CSMD3: variants seen among roughly 807,000 people sequenced by gnomAD.
CSMD3 encodes CUB and sushi domain-containing protein 3.
CSMD3 carries 177 observed loss-of-function variants against 435.2 expected under a neutral mutation model. That is an observed-to-expected ratio of 0.41 (90% CI 0.36 to 0.46). The LOEUF (loss-of-function observed/expected upper bound fraction) is 0.46. Ranked by LOEUF, CSMD3 falls within the 20% of genes least tolerant of loss-of-function variation. The pLI is 0.34. For synonymous variants in CSMD3, 1,656 were observed against 1,520.5 expected, an observed-to-expected ratio of 1.09 and a Z score of -2.07; for missense variants, 4,265 against 4,504.6, an observed-to-expected ratio of 0.95 and a Z score of 1.52.
At chr8:112,740,279 C>T (rs1028489502) in intron 13 of CSMD3, among the ~76,000 whole-genome samples, 2 of 151,590 alleles carry the variant, frequency 1.3e-5, no homozygotes, top group Non-Finnish European at 2.9e-5. Context: ...AAGTAGTTTT[C>T]CTTACAACCT....
chr8:112,436,518 T>C lies in CSMD3; in HGVS notation c.5396-27486A>G, dbSNP rs537994924. 3.9e-5 allele frequency among the ~76,000 whole-genome samples: 6 copies of C among 151,992 alleles called. No individual in the cohort carries two copies. The East Asian group carries it at 1.2e-3, about 29-fold the overall frequency. ...TATACTGCTAAGTACAATAAATTTC[T>C]CCCAGCTATAGTAGTTTTTCTGCTT... On this transcript the variant is annotated intron_variant, in intron 32 of 70. Transcript: ENST00000297405.
chr8:112,620,147 C>G (rs1833957300), intron 22 of CSMD3, among the ~76,000 whole-genome samples: 1 of 152,006 alleles, frequency 6.6e-6, no homozygotes, highest in South Asian at 2.1e-4. Flanking sequence ...GCCCAATATC[C>G]TCAACATGTC....
chr8:112,265,699 G>A lies in CSMD3; in HGVS notation c.9509-109C>T, dbSNP rs77577735. 2.9e-4 allele frequency: 235 copies of A among 817,854 alleles called. No homozygotes were observed. In the African/African-American group the frequency reaches 3.0e-3, roughly 10 times the overall value. The allele number at this position is 817,854 out of a possible 1,614,324, so 50.7% of individuals were successfully genotyped here. A position where few individuals can be genotyped will look rare whatever the true frequency, so the allele number is the denominator to read the frequency against. On this transcript the variant is annotated intron_variant, in intron 59 of 70. Coordinates refer to ENST00000297405, the MANE Select transcript of CSMD3 (RefSeq NM_198123.2). ...TATATAAGCAGGAAAATTAGTTATCGTGTTCATTTTTAATCATAAAACATA... is the reference window on the plus strand; with the variant it reads ...TATATAAGCAGGAAAATTAGTTATCATGTTCATTTTTAATCATAAAACATA...
At chr8:112,301,271 ATACTC>A (rs1466777646) in intron 53 of CSMD3, among the ~76,000 whole-genome samples, 1 of 152,106 alleles carries the variant, frequency 6.6e-6, no homozygotes, top group African/African-American at 2.4e-5. Flanking sequence ...TTTATAATAA[ATACTC>A]TAAGGGGAAA....
At chr8:112,356,020 A>G (rs1381772542) in intron 38 of CSMD3, among the ~76,000 whole-genome samples, 1 of 152,110 alleles carries the variant, frequency 6.6e-6, no homozygotes, top group East Asian at 1.9e-4. Flanking sequence ...TATGATGTAA[A>G]AGTCAGAGAA....
chr8:112,950,390 T>G (rs893533361), intron 8 of CSMD3, among the ~76,000 whole-genome samples: 4 of 151,944 alleles, frequency 2.6e-5, no homozygotes, highest in Non-Finnish European at 5.9e-5. Context: ...CCTAACTACT[T>G]TTTTGTATTA....
At chr8:112,505,729 T>G (rs1822431811) in intron 29 of CSMD3, among the ~76,000 whole-genome samples, 1 of 152,246 alleles carries the variant, frequency 6.6e-6, no homozygotes, top group East Asian at 1.9e-4. Flanking sequence ...TATTACCTTA[T>G]GTTTTACAAG....
At chr8:113,170,591 T>C (rs1480617245) in intron 4 of CSMD3, among the ~76,000 whole-genome samples, 3 of 152,138 alleles carry the variant, frequency 2.0e-5, no homozygotes, top group African/African-American at 7.2e-5. Context: ...TTATCAAGAT[T>C]CCTAGCTTAC....
intron 58 of CSMD3, among the ~76,000 whole-genome samples, chr8:112,281,861 A>C (rs1476239734): frequency 6.6e-6 from 1 of 152,126 alleles, no homozygotes; most frequent in East Asian, 1.9e-4. Flanking sequence ...TATAAATTCT[A>C]TTTCTAGACC....
At chr8:113,135,143 T>A (rs556686808) in intron 4 of CSMD3, among the ~76,000 whole-genome samples, 1 of 152,100 alleles carries the variant, frequency 6.6e-6, no homozygotes, top group Admixed American at 6.6e-5. Flanking sequence ...AGCAGACTGT[T>A]TTGAAAAGCA....
At chr8:112,377,607 G>C (rs1462925570) in intron 38 of CSMD3, among the ~76,000 whole-genome samples, 3 of 152,060 alleles carry the variant, frequency 2.0e-5, no homozygotes, top group African/African-American at 7.2e-5. Flanking sequence ...CAACATGATA[G>C]TAAGCCAAAT....
At chr8:112,662,432 C>T (rs1360646340) in intron 17 of CSMD3, among the ~76,000 whole-genome samples, 1 of 151,974 alleles carries the variant, frequency 6.6e-6, no homozygotes, top group Non-Finnish European at 1.5e-5. Context: ...AAAGGATTCC[C>T]TATTTAATAA....
intron 22 of CSMD3, among the ~76,000 whole-genome samples, chr8:112,629,842 G>T (rs1489888487): frequency 6.6e-6 from 1 of 152,078 alleles, no homozygotes; most frequent in South Asian, 2.1e-4. Context: ...GTATAGGCAG[G>T]ATCTATGGCT....
intron 3 of CSMD3, among the ~76,000 whole-genome samples, chr8:113,245,941 C>A (rs1231270722): frequency 1.3e-5 from 2 of 151,920 alleles, no homozygotes; most frequent in Non-Finnish European, 2.9e-5. Context: ...AAATGGCATA[C>A]CACCACTTTT....
intron 1 of CSMD3, among the ~76,000 whole-genome samples, chr8:113,322,061 T>C (rs2132711965): frequency 6.6e-6 from 1 of 152,314 alleles, no homozygotes; most frequent in South Asian, 2.1e-4. Context: ...ATGAAAAATT[T>C]AATAATTACA....
chr8:112,513,635 G>GA (rs893089355), intron 28 of CSMD3, among the ~76,000 whole-genome samples: 2 of 152,014 alleles, frequency 1.3e-5, no homozygotes, highest in African/African-American at 2.4e-5. Context: ...GATGCCATTG[G>GA]AAAAAAAGTC....
In CSMD3 at chr8:112,957,060, A is replaced by C. The variant is rs184929438; in HGVS notation, c.1343-2299T>G. 1.9e-3 allele frequency among the ~76,000 whole-genome samples: 293 copies of C among 152,192 alleles called. 1 individual carries two copies. The highest frequency in any genetic ancestry group is 6.7e-3 in the African/African-American group (278 of 41,558). ...ATTTTTAACGGAAAGAATAATGTAT[A>C]TCTCCTAATAAATAAATTAAAAAAA... On this transcript the variant is annotated intron_variant, in intron 7 of 70. Transcript: ENST00000297405.
At chr8:113,112,594 C>T (rs764623391) in intron 4 of CSMD3, among the ~76,000 whole-genome samples, 1 of 151,212 alleles carries the variant, frequency 6.6e-6, no homozygotes, top group Non-Finnish European at 1.5e-5. Context: ...AGTTCTTGGA[C>T]TGAGAAGTAG....
rs1055131048 is a variant in CSMD3 at position 113,136,724 on chromosome 8, A to G, written c.709+36998T>C. Among the ~76,000 whole-genome samples the G allele has an allele frequency of 2.6e-5, 4 of 151,814 alleles. No homozygotes were observed. The Admixed American group carries it at 2.6e-4, about 10-fold the overall frequency. Reference sequence around the variant, plus strand: ...TATTTTCAGGTATGTCAGCATAAAGAGAAAGAGAAATAAAGGAAGATGGGT... The same window carrying G: ...TATTTTCAGGTATGTCAGCATAAAGGGAAAGAGAAATAAAGGAAGATGGGT... On this transcript the variant is annotated intron_variant, in intron 4 of 70. Coordinates refer to ENST00000297405, the MANE Select transcript of CSMD3 (RefSeq NM_198123.2).
Sources: gnomAD v4.1 joint callset for allele counts (sites outside exome capture counted in the v4.1 genomes callset) on GRCh38, gnomAD v4.1.1 for gene constraint, MANE v1.5 for transcripts, NCBI Gene and HGNC (gene_info 2026-07-23, HGNC 2026-07-21) for gene names.